The following BLTP1 variants were observed in gnomAD, a reference collection of about 807,000 sequenced individuals.
BLTP1 encodes the protein bridge-like lipid transfer protein family member 1, also known as fragile site-associated protein.
At chr4:122,160,365 C>G in the BLTP1 span, among the ~76,000 whole-genome samples, 2 of 152,000 alleles carry the variant, frequency 1.3e-5, no homozygotes, top group Non-Finnish European at 2.9e-5. Flanking sequence ...AATTTTAGGC[C>G]TTGTTGTGTC....
At chr4:122,286,444 T>G in the BLTP1 span, 1 of 1,552,886 alleles carries the variant, frequency 6.4e-7, no homozygotes, top group South Asian at 1.2e-5. Flanking sequence ...TTTGGGAATA[T>G]CCATGCATTT....
At chr4:122,190,715 C>G in the BLTP1 span, among the ~76,000 whole-genome samples, 1 of 151,998 alleles carries the variant, frequency 6.6e-6, no homozygotes, top group South Asian at 2.1e-4. Flanking sequence ...AGCTTAGAAG[C>G]TTAGTATATT....
At chr4:122,244,202 G>C in the BLTP1 span, 1 of 342,938 alleles carries the variant, frequency 2.9e-6, no homozygotes, top group Non-Finnish European at 4.1e-6. Context: ...ATGAAAATAT[G>C]CTTAAAGAGG....
At chr4:122,232,902 G>A in the BLTP1 span, among the ~76,000 whole-genome samples, 1 of 152,156 alleles carries the variant, frequency 6.6e-6, no homozygotes, top group Non-Finnish European at 1.5e-5. Context: ...GTAACTCACT[G>A]ACCTTCAGGT....
the BLTP1 span, chr4:122,331,650 T>A: frequency 1.4e-6 from 2 of 1,445,784 alleles, no homozygotes; most frequent in East Asian, 5.0e-5. Flanking sequence ...AGATTTGAAG[T>A]GTAAATGTAA....
At chr4:122,240,163 C>T in the BLTP1 span, 2 of 1,614,112 alleles carry the variant, frequency 1.2e-6, no homozygotes, top group East Asian at 2.2e-5. Context: ...GAACAGATTA[C>T]TCCGCAACAA....
At chr4:122,245,076 A>T in the BLTP1 span, 1 of 1,612,316 alleles carries the variant, frequency 6.2e-7, no homozygotes, top group Non-Finnish European at 8.5e-7. Context: ...GCAATTGTAG[A>T]TGATCTTCAT....
chr4:122,349,942 G>A, the BLTP1 span: 1 of 1,613,854 alleles, frequency 6.2e-7, no homozygotes, highest in Non-Finnish European at 8.5e-7. The surrounding 1 kb of genome is among the most constrained non-coding windows in gnomAD (Gnocchi z 4.5). Context: ...GATAAAAATA[G>A]GAATGAAGCT....
chr4:122,204,583 C>T, the BLTP1 span: 2 of 984,548 alleles, frequency 2.0e-6, no homozygotes, highest in Non-Finnish European at 2.4e-6. Context: ...ATTATGTTGG[C>T]AATAAAGATG....
the BLTP1 span, chr4:122,281,570 C>T: frequency 5.6e-6 from 9 of 1,611,092 alleles, no homozygotes; most frequent in East Asian, 6.7e-5. Flanking sequence ...TGCAACCCCA[C>T]TACCTTCTGA....
At chr4:122,300,395 T>C in the BLTP1 span, among the ~76,000 whole-genome samples, 1 of 152,188 alleles carries the variant, frequency 6.6e-6, no homozygotes, top group Non-Finnish European at 1.5e-5. Flanking sequence ...CATATCATTC[T>C]TTCATTCCCT....
At chr4:122,316,408 G>C in the BLTP1 span, 2 of 476,976 alleles carry the variant, frequency 4.2e-6, no homozygotes, top group Admixed American at 4.7e-5. Flanking sequence ...GCAGCGACTT[G>C]TAAATCACCT....
chr4:122,173,545 GAATT>G, the BLTP1 span, among the ~76,000 whole-genome samples: 1 of 152,244 alleles, frequency 6.6e-6, no homozygotes, highest in East Asian at 1.9e-4. Context: ...GTTAAAATGA[GAATT>G]AAGTTTCAAC....
At chr4:122,219,537 T>G in the BLTP1 span, 1 of 1,613,998 alleles carries the variant, frequency 6.2e-7, no homozygotes, top group African/African-American at 1.3e-5. Flanking sequence ...TACTTGTTAA[T>G]TTGTACAAAG....
At chr4:122,161,136 T>C in the BLTP1 span, 1 of 984,484 alleles carries the variant, frequency 1.0e-6, no homozygotes, top group Non-Finnish European at 1.2e-6. Flanking sequence ...TTGGTTTATT[T>C]TCCAGCCCTT....
At chr4:122,180,750 G>A in the BLTP1 span, among the ~76,000 whole-genome samples, 1 of 152,232 alleles carries the variant, frequency 6.6e-6, no homozygotes, top group Admixed American at 6.5e-5. Context: ...AGGTGCAGAA[G>A]TGCTGCCAAG....
the BLTP1 span, among the ~76,000 whole-genome samples, chr4:122,217,842 G>T: frequency 6.6e-6 from 1 of 151,966 alleles, no homozygotes; most frequent in Non-Finnish European, 1.5e-5. Context: ...ATCTGGTCCT[G>T]GGCTTTTTTT....
chr4:122,236,256 G>A, the BLTP1 span, among the ~76,000 whole-genome samples: 1 of 152,146 alleles, frequency 6.6e-6, no homozygotes, highest in Non-Finnish European at 1.5e-5. Context: ...GTAGTAGTAA[G>A]TGTGCACAAG....
At chr4:122,171,663 G>GTT in the BLTP1 span, 2 of 148,108 alleles carry the variant, frequency 1.4e-5, no homozygotes, top group Non-Finnish European at 2.6e-5. Flanking sequence ...TTTTTTTTCT[G>GTT]AGGGGATGCT....
Sources: allele counts gnomAD v4.1 joint callset (sites outside exome capture counted in the v4.1 genomes callset), GRCh38; gene constraint gnomAD v4.1.1; non-coding constraint Gnocchi (gnomAD v3.1); transcripts MANE v1.5; gene names NCBI Gene and HGNC (gene_info 2026-07-23, HGNC 2026-07-21).